The following KDM6A variants were observed in gnomAD, a reference collection of about 807,000 sequenced individuals.
The protein encoded by KDM6A is lysine demethylase 6A, also known as lysine-specific demethylase 6A.
KDM6A carries 11 observed loss-of-function variants against 117.6 expected under a neutral mutation model. The ratio of observed to expected loss-of-function variants is 0.09; its 90% CI spans 0.06 to 0.15. The LOEUF (loss-of-function observed/expected upper bound fraction) is 0.15, where lower values mean the gene tolerates loss of function less well. KDM6A is among the 10% of genes least tolerant of loss of function. The pLI is 1.00. For synonymous variants in KDM6A, 384 were observed against 396.1 expected (o/e 0.97, Z 0.36); for missense variants, 799 against 1,077.3 (o/e 0.74, Z 3.62).
At chrX:45,111,285 G>C in intron 29 of KDM6A, 97 bp from the exon 30 acceptor site, 1 of 732,692 alleles carries the variant, frequency 1.4e-6, no homozygotes, top group Admixed American at 2.3e-5. Flanking sequence ...CTTTTTGAGA[G>C]TTATTTCCCC....
intron 2 of KDM6A, among the ~76,000 whole-genome samples, chrX:44,884,650 C>G (rs1225725224): frequency 9.0e-6 from 1 of 111,630 alleles, no homozygotes; most frequent in East Asian, 2.8e-4. Flanking sequence ...TTGGAAGAGA[C>G]GAGTTTAAAC....
intron 19 of KDM6A, among the ~76,000 whole-genome samples, chrX:45,077,727 A>C (rs1331352400): frequency 2.7e-5 from 3 of 111,475 alleles, no homozygotes; most frequent in Non-Finnish European, 5.7e-5. Context: ...TTCTTTGATA[A>C]TATTTGTTTA....
At chrX:45,061,548 G>A in intron 15 of KDM6A, 129 bp downstream of exon 15, 1 of 352,259 alleles carries the variant, frequency 2.8e-6, no homozygotes, top group Non-Finnish European at 4.8e-6. Context: ...CTGGAGTATA[G>A]TGGCACGCTC....
chrX:45,018,139 T>C (rs995749548), intron 5 of KDM6A, among the ~76,000 whole-genome samples: 2 of 111,251 alleles, frequency 1.8e-5, no homozygotes, highest in African/African-American at 6.6e-5. Context: ...GTATCATAAT[T>C]GTTAGGCAAT....
rs1416491224 is a variant in KDM6A, at chrX:45,090,710, T to A, written c.3893-13T>A. 1 of 1,209,425 alleles carries A rather than the reference T, an allele frequency of 8.3e-7. No homozygotes were observed. The highest frequency in any genetic ancestry group is 1.1e-6 in the Non-Finnish European group (1 of 894,285). On this transcript the variant is annotated splice_polypyrimidine_tract_variant and intron_variant, in intron 26 of 29. Coordinates refer to ENST00000611820, the MANE Select transcript of KDM6A (RefSeq NM_001291415.2). ...ACTTTGGGTTGCTTTATAACTGTTT[T>A]TTTTTTTCCTAGCCTGCCAGTATAA...
At chrX:44,962,876 A>C (rs1019937684) in intron 3 of KDM6A, among the ~76,000 whole-genome samples, 4 of 112,033 alleles carry the variant, frequency 3.6e-5, no homozygotes, top group South Asian at 3.7e-4. Flanking sequence ...ATATGTGCTG[A>C]GTGATCAGGG....
At chrX:44,886,295 G>T (rs1042753597) in intron 2 of KDM6A, among the ~76,000 whole-genome samples, 1 of 110,402 alleles carries the variant, frequency 9.1e-6, no homozygotes, top group Non-Finnish European at 1.9e-5. Flanking sequence ...TGATCCGCCC[G>T]CCTTGGCCCC....
Position 44,992,711 on chromosome X carries a change from C to T in KDM6A, c.384+17996C>T, listed in dbSNP as rs778947448. ...GACTACAGGCGCATGCTACCATGCC[C>T]GGCTCATTTTTTTTTTTGTAGAGAT... On this transcript the variant is annotated intron_variant, in intron 4 of 29. Coordinates refer to ENST00000611820, the MANE Select transcript of KDM6A (RefSeq NM_001291415.2). Among the ~76,000 whole-genome samples, 10 of 108,430 alleles carry T rather than the reference C, an allele frequency of 9.2e-5. No individual in the cohort carries two copies. The East Asian group carries it at 2.3e-3, about 25-fold the overall frequency. 94.2% of individuals were successfully genotyped at this position (108,430 alleles called of 115,157 possible).
At chrX:44,915,864 T>C (rs1200042081) in intron 2 of KDM6A, among the ~76,000 whole-genome samples, 1 of 111,219 alleles carries the variant, frequency 9.0e-6, no homozygotes, top group African/African-American at 3.3e-5. Flanking sequence ...AATTTGGATA[T>C]GACAAAGATA....
intron 2 of KDM6A, among the ~76,000 whole-genome samples, chrX:44,946,959 G>A (rs2037674465): frequency 9.0e-6 from 1 of 111,375 alleles, no homozygotes; most frequent in Non-Finnish European, 1.9e-5. Context: ...GATTATGTTT[G>A]TAGTATTTTT....
rs779485423 is a variant in KDM6A, at chrX:44,876,938, TAC to T, written c.225+2956_225+2957del. 2.5e-4 allele frequency among the ~76,000 whole-genome samples: 25 copies of T among 100,673 alleles called. No individual in the cohort carries two copies. In the South Asian group the frequency reaches 5.4e-3, roughly 22 times the overall value. 87.4% of individuals were successfully genotyped at this position (100,673 alleles called of 115,157 possible). On this transcript the variant is annotated intron_variant, in intron 2 of 29. Transcript: ENST00000611820. ...ATACACACATATACATATACGCATA[TAC>T]ACACGTATACGTATATACGCACGTA... is the stretch of plus-strand genomic sequence containing the variant.
chrX:45,097,111 G>T (rs867183549), intron 27 of KDM6A, among the ~76,000 whole-genome samples: 3 of 111,336 alleles, frequency 2.7e-5, no homozygotes, highest in Admixed American at 9.6e-5. Context: ...TGCAGAAACA[G>T]AAAACCAAGT....
chrX:44,963,747 A>T (rs766137629), intron 3 of KDM6A, among the ~76,000 whole-genome samples: 3 of 109,718 alleles, frequency 2.7e-5, no homozygotes, highest in African/African-American at 1.0e-4. Context: ...TTAGACCTCA[A>T]ATGTTCTTGT....
At chrX:44,958,197 T>G (rs1002887431) in intron 2 of KDM6A, among the ~76,000 whole-genome samples, 71 of 108,674 alleles carry the variant, frequency 6.5e-4, no homozygotes, top group Non-Finnish European at 9.6e-4. Context: ...TTTTTTTTTT[T>G]TTGAGGCTGA....
intron 16 of KDM6A, 62 bp from the exon 17 acceptor site, chrX:45,063,360 A>G (rs2044386281): frequency 1.2e-5 from 13 of 1,059,672 alleles, no homozygotes; most frequent in East Asian, 6.0e-5. Context: ...AGAATCCCCT[A>G]TAGATTCTCT....
At chrX:45,034,081 T>C (rs1174338206) in intron 6 of KDM6A, among the ~76,000 whole-genome samples, 1 of 111,305 alleles carries the variant, frequency 9.0e-6, no homozygotes, top group East Asian at 2.8e-4. Flanking sequence ...AATATATATT[T>C]GTAGGAATAT....
intron 2 of KDM6A, among the ~76,000 whole-genome samples, chrX:44,924,487 T>A (rs1351035769): frequency 8.9e-6 from 1 of 112,352 alleles, no homozygotes; most frequent in Non-Finnish European, 1.9e-5. Flanking sequence ...ACCTTTAGTC[T>A]TGGGCTAATG....
At chrX:44,959,033 A>C (rs888431779) in intron 2 of KDM6A, among the ~76,000 whole-genome samples, 13 of 111,301 alleles carry the variant, frequency 1.2e-4, no homozygotes, top group Non-Finnish European at 2.1e-4. Context: ...ATCTGATATT[A>C]GAATTACCTG....
chrX:44,907,308 G>A (rs4645691), intron 2 of KDM6A, among the ~76,000 whole-genome samples: 18,720 of 109,909 alleles, frequency 0.17, 1,651 homozygotes, highest in Admixed American at 0.37. Context: ...ATGGAGCTTC[G>A]CTCTTATTGC....
Sources: allele counts gnomAD v4.1 joint callset (sites outside exome capture counted in the v4.1 genomes callset), GRCh38; gene constraint gnomAD v4.1.1; transcripts MANE v1.5; gene names NCBI Gene and HGNC (gene_info 2026-07-23, HGNC 2026-07-21).